Variants in TMEM132D observed in about 807,000 individuals in gnomAD.
The protein encoded by TMEM132D is transmembrane protein 132D, also known as mature OL transmembrane protein.
TMEM132D carries 21 observed loss-of-function variants against 62.3 expected under a neutral mutation model. The observed-to-expected ratio is 0.34, with a 90% CI of 0.24 to 0.49. TMEM132D has a LOEUF of 0.49. Ranked by LOEUF, TMEM132D falls within the 20% of genes least tolerant of loss-of-function variation. The probability of loss-of-function intolerance (pLI) is 0.99; values close to 1 mark genes in which losing one functional copy is unlikely to be tolerated. For synonymous variants in TMEM132D, 621 were observed against 575.6 expected (o/e 1.08, Z -1.13); for missense variants, 1,346 against 1,402.8 (o/e 0.96, Z 0.65).
chr12:129,872,171 C>G (rs1874268052), intron 1 of TMEM132D, among the ~76,000 whole-genome samples: 1 of 152,216 alleles, frequency 6.6e-6, no homozygotes, highest in Non-Finnish European at 1.5e-5. Context: ...GCGGGTGACA[C>G]AAATAGGATT....
chr12:129,479,206 A>G (rs749218400), intron 3 of TMEM132D, among the ~76,000 whole-genome samples: 1 of 152,196 alleles, frequency 6.6e-6, no homozygotes, highest in African/African-American at 2.4e-5. Flanking sequence ...ATTTGATTTC[A>G]TCTGTTGAAA....
At chr12:129,673,712 C>A (rs754786273) in intron 2 of TMEM132D, among the ~76,000 whole-genome samples, 29 of 152,334 alleles carry the variant, frequency 1.9e-4, no homozygotes, top group Admixed American at 9.2e-4. Context: ...GGCTCTGACA[C>A]TTCCAGTGTC....
intron 1 of TMEM132D, among the ~76,000 whole-genome samples, chr12:129,718,819 C>T (rs998100966): frequency 3.3e-5 from 5 of 152,188 alleles, no homozygotes; most frequent in Admixed American, 1.3e-4. Context: ...GGGATAACAA[C>T]AGTAGCTGCC....
intron 2 of TMEM132D, among the ~76,000 whole-genome samples, chr12:129,581,888 T>C (rs1356769844): frequency 6.6e-6 from 1 of 152,194 alleles, no homozygotes; most frequent in Non-Finnish European, 1.5e-5. Context: ...CCACAGGTAC[T>C]CCTTTATAAC....
intron 1 of TMEM132D, among the ~76,000 whole-genome samples, chr12:129,796,746 G>T: frequency 6.6e-6 from 1 of 152,136 alleles, no homozygotes; most frequent in East Asian, 1.9e-4. Flanking sequence ...GGGAGTAAGG[G>T]GAGGGGTAGC....
chr12:129,643,760 A>T (rs1593102373), intron 2 of TMEM132D, among the ~76,000 whole-genome samples: 2 of 152,224 alleles, frequency 1.3e-5, no homozygotes, highest in East Asian at 3.9e-4. Flanking sequence ...TCTGTCTGTT[A>T]TCTACCTATG....
rs550999686 is a variant in TMEM132D, at chr12:129,743,612, C to T, written c.80-42914G>A. ...CAGCATGAGAATGGACTAATGCATCCCCCTACAACCAAAAAAATATGCTCG... is the reference window on the plus strand; with the variant it reads ...CAGCATGAGAATGGACTAATGCATCTCCCTACAACCAAAAAAATATGCTCG... On this transcript the variant is annotated intron_variant, in intron 1 of 8. Transcript: ENST00000422113. Among the ~76,000 whole-genome samples, 4 of 147,092 alleles carry T rather than the reference C, an allele frequency of 2.7e-5. No individual in the cohort carries two copies. The East Asian group carries it at 8.1e-4, about 30-fold the overall frequency.
At chr12:129,311,495 G>A (rs1293433509) in intron 4 of TMEM132D, among the ~76,000 whole-genome samples, 19 of 152,174 alleles carry the variant, frequency 1.2e-4, no homozygotes, top group Admixed American at 1.2e-3. Flanking sequence ...TCTGGATGTT[G>A]TGAATAATGC....
intron 3 of TMEM132D, among the ~76,000 whole-genome samples, chr12:129,370,071 A>G (rs915867284): frequency 6.6e-6 from 1 of 152,222 alleles, no homozygotes; most frequent in Admixed American, 6.5e-5. Context: ...ATATAGGGTC[A>G]GTGTCTTCTG....
chr12:129,290,713 A>C (rs1373967485), intron 4 of TMEM132D, among the ~76,000 whole-genome samples: 2 of 152,204 alleles, frequency 1.3e-5, no homozygotes, highest in African/African-American at 2.4e-5. Flanking sequence ...AATATTTTAA[A>C]CATGATAATA....
chr12:129,576,155 G>A (rs905803170), intron 2 of TMEM132D, among the ~76,000 whole-genome samples: 1 of 151,852 alleles, frequency 6.6e-6, no homozygotes, highest in African/African-American at 2.4e-5. Flanking sequence ...TTGCATGCAA[G>A]CTCCGCTTTC....
At chr12:129,795,548 C>T (rs764367664) in intron 1 of TMEM132D, among the ~76,000 whole-genome samples, 2 of 152,212 alleles carry the variant, frequency 1.3e-5, no homozygotes, top group African/African-American at 2.4e-5. Flanking sequence ...CTGGGGCCAA[C>T]GATAGGCCTC....
At chr12:129,699,750 T>A in intron 2 of TMEM132D, 60 bp downstream of exon 2, 4 of 1,578,330 alleles carry the variant, frequency 2.5e-6, no homozygotes, top group Non-Finnish European at 3.4e-6. Flanking sequence ...GTCAAACAGC[T>A]TCTGGAAAAC....
At chr12:129,417,894 T>C (rs1872178211) in intron 3 of TMEM132D, among the ~76,000 whole-genome samples, 2 of 152,106 alleles carry the variant, frequency 1.3e-5, no homozygotes, top group Admixed American at 6.5e-5. Context: ...GCAAAGGATA[T>C]GAACAGACAC....
rs77555802 is a variant in TMEM132D, at chr12:129,864,403, C to T, written c.79+38858G>A. 4.1e-4 allele frequency among the ~76,000 whole-genome samples: 63 copies of T among 152,338 alleles called. No homozygotes were observed. In the East Asian group the frequency reaches 0.012, roughly 29 times the overall value. On this transcript the variant is annotated intron_variant, in intron 1 of 8. Transcript: ENST00000422113. The stretch of plus-strand genomic sequence containing the variant: ...CATATGTAACTATCCTGCTTTAAGT[C>T]ACTATCAGAGTTTTGGGGTAGTCTG...
intron 1 of TMEM132D, among the ~76,000 whole-genome samples, chr12:129,877,581 T>C (rs1407248286): frequency 2.0e-5 from 3 of 151,686 alleles, no homozygotes; most frequent in African/African-American, 7.3e-5. Flanking sequence ...AATAGCGGCT[T>C]AATAATACCT....
At chr12:129,883,197 T>A (rs1356622873) in intron 1 of TMEM132D, among the ~76,000 whole-genome samples, 1 of 152,120 alleles carries the variant, frequency 6.6e-6, no homozygotes, top group Non-Finnish European at 1.5e-5. Context: ...ACACATAAGG[T>A]CAACATACAA....
intron 5 of TMEM132D, among the ~76,000 whole-genome samples, chr12:129,165,759 A>C (rs1877528168): frequency 6.6e-6 from 1 of 152,188 alleles, no homozygotes; most frequent in Non-Finnish European, 1.5e-5. Context: ...CATGATATGA[A>C]GTGTGTCATC....
At position 129,353,433 on chromosome 12, in the gene TMEM132D, C is replaced by T. The variant is rs1869933435; in HGVS notation, c.1116-15616G>A. Among the ~76,000 whole-genome samples, 3 of 152,154 alleles carry T rather than the reference C, an allele frequency of 2.0e-5. No individual in the cohort carries two copies. The South Asian group carries it at 6.2e-4, about 32-fold the overall frequency. On this transcript the variant is annotated intron_variant, in intron 3 of 8. Transcript: ENST00000422113. ...TCTGAAGGAACCCAAACTGTTCAAACATCACTTCCGAACAGTTTGGATTCA... is the reference window on the plus strand; with the variant it reads ...TCTGAAGGAACCCAAACTGTTCAAATATCACTTCCGAACAGTTTGGATTCA...
Sources: gnomAD v4.1 joint callset for allele counts (sites outside exome capture counted in the v4.1 genomes callset) on GRCh38, gnomAD v4.1.1 for gene constraint, MANE v1.5 for transcripts, NCBI Gene and HGNC (gene_info 2026-07-23, HGNC 2026-07-21) for gene names.